FBXL17: variants seen among roughly 807,000 people sequenced by gnomAD.
FBXL17 encodes F-box and leucine rich repeat protein 17.
Under a neutral mutation model 66.2 loss-of-function variants are expected in FBXL17, and 22 were observed. That is an observed-to-expected ratio of 0.33 (90% CI 0.24 to 0.47). The LOEUF is 0.47. FBXL17 is among the 20% of genes least tolerant of loss of function. The pLI, the probability that FBXL17 is intolerant of heterozygous loss-of-function variation, is 1.00. For missense variants in FBXL17, 878 were observed against 948.2 expected (o/e 0.93, Z 0.97); for synonymous variants, 474 against 400.5 (o/e 1.18, Z -2.19).
chr5:108,382,038 C>A lies in FBXL17; in HGVS notation c.-347G>T, dbSNP rs1389167623. 2 of 984,240 alleles carry A rather than the reference C, an allele frequency of 2.0e-6. No individual in the cohort carries two copies. Among genetic ancestry groups the A allele is most frequent in the Non-Finnish European group, 2.5e-6 (2 of 800,880 alleles). The allele number at this position is 984,240 out of a possible 1,614,324, so 61.0% of individuals were successfully genotyped here. On this transcript the variant is annotated 5_prime_UTR_variant, in exon 1 of 9. Transcript: ENST00000542267. ...GTCAGCGGAGCGGCCGGGGAAAGGC[C>A]GGGTCCCGCTCGGACCATTTTAACT...
chr5:108,327,955 C>T (rs1161126973), intron 4 of FBXL17, among the ~76,000 whole-genome samples: 2 of 152,108 alleles, frequency 1.3e-5, no homozygotes, highest in Non-Finnish European at 2.9e-5. Context: ...ATATCGTCTC[C>T]AATCTATACA....
intron 7 of FBXL17, among the ~76,000 whole-genome samples, chr5:107,996,483 T>G (rs1461246646): frequency 6.6e-6 from 1 of 152,088 alleles, no homozygotes. Flanking sequence ...TCTGGCTAAT[T>G]TTTGTATTTT....
intron 7 of FBXL17, among the ~76,000 whole-genome samples, chr5:107,939,906 T>C (rs1352113098): frequency 6.6e-6 from 1 of 152,128 alleles, no homozygotes. Context: ...TTCACCTGTT[T>C]CATGCTCTAT....
At chr5:108,237,883 C>T (rs1755677512) in intron 4 of FBXL17, among the ~76,000 whole-genome samples, 1 of 151,942 alleles carries the variant, frequency 6.6e-6, no homozygotes, top group African/African-American at 2.4e-5. Context: ...ACAGAAATAC[C>T]AAATGAAAGA....
intron 4 of FBXL17, among the ~76,000 whole-genome samples, chr5:108,321,022 T>A (rs1561527822): frequency 6.6e-6 from 1 of 151,854 alleles, no homozygotes; most frequent in African/African-American, 2.4e-5. Flanking sequence ...AGAGTATGTA[T>A]TCCACAATAT....
intron 7 of FBXL17, among the ~76,000 whole-genome samples, chr5:107,893,623 T>C (rs1454173321): frequency 6.6e-6 from 1 of 152,148 alleles, no homozygotes; most frequent in Admixed American, 6.6e-5. Context: ...CCAGTGGGTT[T>C]GGGGATAAAT....
At chr5:108,335,978 AT>A (rs1335033884) in intron 4 of FBXL17, among the ~76,000 whole-genome samples, 1 of 152,084 alleles carries the variant, frequency 6.6e-6, no homozygotes, top group Non-Finnish European at 1.5e-5. Context: ...CACTTGTCCA[AT>A]TTTTTCCCCT....
At chr5:108,292,868 G>A (rs1758172097) in intron 4 of FBXL17, among the ~76,000 whole-genome samples, 1 of 152,166 alleles carries the variant, frequency 6.6e-6, no homozygotes, top group Non-Finnish European at 1.5e-5. Context: ...GGGAGGACGA[G>A]GCGGGTGGAT....
chr5:107,983,607 G>C (rs1446406956), intron 7 of FBXL17, among the ~76,000 whole-genome samples: 2 of 152,096 alleles, frequency 1.3e-5, no homozygotes, highest in Non-Finnish European at 2.9e-5. Flanking sequence ...ACAAAACAGA[G>C]AGAAATTTAC....
chr5:107,928,255 A>T (rs1750600692), intron 7 of FBXL17, among the ~76,000 whole-genome samples: 1 of 152,088 alleles, frequency 6.6e-6, no homozygotes, highest in African/African-American at 2.4e-5. Context: ...CTAAGATTAA[A>T]GAGGCAGTGA....
At chr5:107,869,790 T>C (rs1019868522) in intron 8 of FBXL17, among the ~76,000 whole-genome samples, 1 of 152,168 alleles carries the variant, frequency 6.6e-6, no homozygotes, top group Non-Finnish European at 1.5e-5. Flanking sequence ...CTTCCTACCT[T>C]AGCACTTGGA....
intron 4 of FBXL17, among the ~76,000 whole-genome samples, chr5:108,287,508 A>G (rs1337281703): frequency 6.6e-6 from 1 of 151,918 alleles, no homozygotes; most frequent in Non-Finnish European, 1.5e-5. Flanking sequence ...CAACAAGTAT[A>G]TGAAAAATGC....
At position 108,381,005 on chromosome 5, in the gene FBXL17, CCCGCCACCG is replaced by C. The variant is rs1399198853; in HGVS notation, c.678_686del (p.Gly229_Gly231del). 7.0e-5 allele frequency: 84 copies of C among 1,193,066 alleles called. No individual in the cohort carries two copies. Among genetic ancestry groups the C allele is most frequent in the Non-Finnish European group, 7.9e-5 (76 of 963,300 alleles). The allele number at this position is 1,193,066 out of a possible 1,614,324, so 73.9% of individuals were successfully genotyped here. A position where few individuals can be genotyped will look rare whatever the true frequency, so the allele number is the denominator to read the frequency against. On this transcript the variant is annotated inframe_deletion, in exon 1 of 9. Coordinates refer to ENST00000542267, the MANE Select transcript of FBXL17 (RefSeq NM_001163315.3). ...AAGCGCCTCCCCCCGCAGGCCCTCC[CCCGCCACCG>C]CCGCCGCCGCCGCCGCCGCAGCCCC...
intron 1 of FBXL17, among the ~76,000 whole-genome samples, chr5:108,379,509 T>C (rs1422659842): frequency 6.6e-6 from 1 of 152,106 alleles, no homozygotes; most frequent in Non-Finnish European, 1.5e-5. Flanking sequence ...ATAATATCAC[T>C]GTAAAACAGA....
chr5:107,979,464 C>T lies in FBXL17; in HGVS notation c.1822+41461G>A, dbSNP rs531118096. On this transcript the variant is annotated intron_variant, in intron 7 of 8. Coordinates refer to ENST00000542267, the MANE Select transcript of FBXL17 (RefSeq NM_001163315.3). ...CCCATTAGTGCCAGTAATTATTTGG[C>T]ATTTGTTATGTTAGTTAAATTGCGT... 3.9e-5 allele frequency among the ~76,000 whole-genome samples: 6 copies of T among 152,234 alleles called. No homozygotes were observed. The East Asian group carries it at 5.8e-4, about 15-fold the overall frequency.
intron 6 of FBXL17, among the ~76,000 whole-genome samples, chr5:108,097,457 A>G (rs1749420521): frequency 6.6e-6 from 1 of 152,130 alleles, no homozygotes; most frequent in Non-Finnish European, 1.5e-5. Flanking sequence ...TCATTTTTGC[A>G]TGACTGACTC....
intron 4 of FBXL17, among the ~76,000 whole-genome samples, chr5:108,281,680 C>T (rs535943908): frequency 6.8e-4 from 103 of 151,530 alleles, no homozygotes; most frequent in Admixed American, 5.3e-4. Context: ...AAAATAACAA[C>T]GATCAGAGCA....
At chr5:108,021,107 TA>T in intron 6 of FBXL17, 106 bp from the exon 7 acceptor site, 1 of 733,056 alleles carries the variant, frequency 1.4e-6, no homozygotes. Flanking sequence ...ACAGCTTCTT[TA>T]ATGGTGTTTC....
chr5:108,008,424 T>C (rs573944485), intron 7 of FBXL17, among the ~76,000 whole-genome samples: 1 of 152,188 alleles, frequency 6.6e-6, no homozygotes, highest in Non-Finnish European at 1.5e-5. Context: ...AGAAAAAAGC[T>C]GAAGTACATT....
Sources: gnomAD v4.1 joint callset for allele counts (sites outside exome capture counted in the v4.1 genomes callset) on GRCh38, gnomAD v4.1.1 for gene constraint, MANE v1.5 for transcripts, NCBI Gene and HGNC (gene_info 2026-07-23, HGNC 2026-07-21) for gene names.